SNX30: variants seen among roughly 807,000 people sequenced by gnomAD.
The protein encoded by SNX30 is sorting nexin family member 30, also known as sorting nexin-30.
Under a neutral mutation model 46.4 loss-of-function variants are expected in SNX30, and 24 were observed. The observed-to-expected ratio is 0.52, with a 90% CI of 0.37 to 0.73. The LOEUF (loss-of-function observed/expected upper bound fraction) is 0.73, where lower values mean the gene tolerates loss of function less well. SNX30 is among the 30% of genes least tolerant of loss of function. The pLI is 0.00. For missense variants in SNX30, 533 were observed against 555.7 expected, an observed-to-expected ratio of 0.96 and a Z score of 0.41; for synonymous variants, 189 against 211.5, an observed-to-expected ratio of 0.89 and a Z score of 0.92.
intron 1 of SNX30, among the ~76,000 whole-genome samples, chr9:112,764,510 T>G (rs929844583): frequency 6.6e-6 from 1 of 152,132 alleles, no homozygotes; most frequent in African/African-American, 2.4e-5. Flanking sequence ...CTGAGTAGCT[T>G]GGACTGTGGG....
intron 1 of SNX30, among the ~76,000 whole-genome samples, chr9:112,795,729 CAGAA>C (rs796337340): frequency 6.0e-5 from 9 of 150,006 alleles, no homozygotes; most frequent in African/African-American, 2.2e-4. Context: ...CCTGGGGAGA[CAGAA>C]AGATAATCAC....
In SNX30 at chr9:112,870,657, A is replaced by G. The variant is rs1368888601; in HGVS notation, c.*1814A>G. Reference sequence around the variant, plus strand: ...AACCCATGTACCCCCGAGTGATTGCATGCTTTATTCTACCTCTAAGCCATC... The same window carrying G: ...AACCCATGTACCCCCGAGTGATTGCGTGCTTTATTCTACCTCTAAGCCATC... On this transcript the variant is annotated 3_prime_UTR_variant, in exon 9 of 9. Transcript: ENST00000374232. 6.6e-6 allele frequency: 1 copy of G among 152,228 alleles called. No homozygotes were observed. The highest frequency in any genetic ancestry group is 6.5e-5 in the Admixed American group (1 of 15,276). 9.4% of individuals were successfully genotyped at this position (152,228 alleles called of 1,614,324 possible).
intron 1 of SNX30, among the ~76,000 whole-genome samples, chr9:112,762,441 C>G (rs1024576335): frequency 1.3e-5 from 2 of 152,154 alleles, no homozygotes; most frequent in East Asian, 1.9e-4. Flanking sequence ...ATCTCTCCCC[C>G]GAGAGGTTAA....
At chr9:112,766,542 T>C (rs1839540298) in intron 1 of SNX30, among the ~76,000 whole-genome samples, 1 of 152,242 alleles carries the variant, frequency 6.6e-6, no homozygotes, top group South Asian at 2.1e-4. Flanking sequence ...ATATTCACAT[T>C]GTTGTGCAAC....
At chr9:112,809,911 T>C (rs544124543) in intron 2 of SNX30, among the ~76,000 whole-genome samples, 1 of 152,054 alleles carries the variant, frequency 6.6e-6, no homozygotes, top group African/African-American at 2.4e-5. Context: ...TGAAAGAGAC[T>C]TGTTTAACTG....
At position 112,830,426 on chromosome 9, in the gene SNX30, C is replaced by T. The variant is rs1307118712; in HGVS notation, c.460-299C>T. Among the ~76,000 whole-genome samples the T allele has an allele frequency of 4.6e-5, 7 of 151,872 alleles. No homozygotes were observed. In the East Asian group the frequency reaches 1.2e-3, roughly 25 times the overall value. On this transcript the variant is annotated intron_variant, in intron 3 of 8. Transcript: ENST00000374232. ...TTTCTTCTTGCCATAACTTTTCCATCATATCACGTGTACATCAAGCAATGT... is the reference window on the plus strand; with the variant it reads ...TTTCTTCTTGCCATAACTTTTCCATTATATCACGTGTACATCAAGCAATGT...
chr9:112,771,699 G>A (rs1839651721), intron 1 of SNX30, among the ~76,000 whole-genome samples: 1 of 152,114 alleles, frequency 6.6e-6, no homozygotes, highest in Non-Finnish European at 1.5e-5. Flanking sequence ...CAAAAAAAGG[G>A]GCCAGTGAGG....
Position 112,872,001 on chromosome 9 carries a change from T to C in SNX30, c.*3158T>C, listed in dbSNP as rs1841453974. 1 of 152,200 alleles carries C rather than the reference T, an allele frequency of 6.6e-6. No individual in the cohort carries two copies. The highest frequency in any genetic ancestry group is 1.5e-5 in the Non-Finnish European group (1 of 68,030). 9.4% of individuals were successfully genotyped at this position (152,200 alleles called of 1,614,324 possible). Reference sequence around the variant, plus strand: ...ATTATGGAGATGATTGGCTCCATATTCCACCACGTCATTCCTTCAACTCAC... The same window carrying C: ...ATTATGGAGATGATTGGCTCCATATCCCACCACGTCATTCCTTCAACTCAC... On this transcript the variant is annotated 3_prime_UTR_variant, in exon 9 of 9. Transcript: ENST00000374232.
At chr9:112,771,570 C>T (rs908312076) in intron 1 of SNX30, among the ~76,000 whole-genome samples, 3 of 152,156 alleles carry the variant, frequency 2.0e-5, no homozygotes, top group African/African-American at 2.4e-5. Flanking sequence ...CTTCTCCCAG[C>T]CTTCAAGAGT....
At position 112,873,235 on chromosome 9, in the gene SNX30, G is replaced by A. The variant is rs1237932701; in HGVS notation, c.*4392G>A. ...ACTACTACAGAGAGTCTGTAAATAA[G>A]TGCTTTAAAAAAATAACAAACCAAT... On this transcript the variant is annotated 3_prime_UTR_variant, in exon 9 of 9. Transcript: ENST00000374232. 1 of 152,040 alleles carries A rather than the reference G, an allele frequency of 6.6e-6. No homozygotes were observed. The allele number at this position is 152,040 out of a possible 1,614,324, so 9.4% of individuals were successfully genotyped here.
chr9:112,865,034 C>T (rs999564373), intron 8 of SNX30, among the ~76,000 whole-genome samples: 31 of 150,940 alleles, frequency 2.1e-4, no homozygotes, highest in Admixed American at 8.6e-4. Context: ...CACCACACCC[C>T]ACACACACAC....
intron 5 of SNX30, among the ~76,000 whole-genome samples, chr9:112,838,159 G>A (rs924214236): frequency 1.3e-5 from 2 of 151,956 alleles, no homozygotes; most frequent in African/African-American, 4.8e-5. Flanking sequence ...TAAAGTGCTG[G>A]GATTACAGGT....
Position 112,834,831 on chromosome 9 carries a change from CACACACACACAA to C in SNX30, c.619-1371_619-1360del, listed in dbSNP as rs1193743419. On this transcript the variant is annotated intron_variant, in intron 4 of 8. Coordinates refer to ENST00000374232, the MANE Select transcript of SNX30 (RefSeq NM_001012994.2). ...TGAGCCAGGAACCGTGGATTAAACACACACACACACAAACACACACACACACACACACACACA... is the reference window on the plus strand; with the variant it reads ...TGAGCCAGGAACCGTGGATTAAACACACACACACACACACACACACACACA... 2.7e-4 allele frequency among the ~76,000 whole-genome samples: 34 copies of C among 123,808 alleles called. No homozygotes were observed. In the South Asian group the frequency reaches 5.0e-3, roughly 18 times the overall value. The allele number at this position is 123,808 out of a possible 152,430, so 81.2% of individuals were successfully genotyped here.
chr9:112,761,360 A>G (rs1839433251), intron 1 of SNX30, among the ~76,000 whole-genome samples: 1 of 152,030 alleles, frequency 6.6e-6, no homozygotes, highest in Non-Finnish European at 1.5e-5. Context: ...ATGGGGTTTC[A>G]CCATGTTGGC....
At chr9:112,868,059 G>A (rs937367805) in intron 8 of SNX30, among the ~76,000 whole-genome samples, 3 of 152,202 alleles carry the variant, frequency 2.0e-5, no homozygotes, top group African/African-American at 7.2e-5. Context: ...GGAACCATGA[G>A]CTCTACCATG....
downstream of SNX30, chr9:112,879,577 G>T: frequency 1.8e-6 from 1 of 556,040 alleles, no homozygotes; most frequent in Non-Finnish European, 3.3e-6. Context: ...CCATCACCAG[G>T]AAAGTGCTTT....
intron 6 of SNX30, among the ~76,000 whole-genome samples, chr9:112,845,271 TA>T (rs1471441213): frequency 1.3e-5 from 2 of 152,038 alleles, no homozygotes; most frequent in Non-Finnish European, 2.9e-5. Flanking sequence ...GATTGAGAGT[TA>T]ATAAGTACTT....
chr9:112,863,488 G>C (rs1313161853), intron 7 of SNX30, among the ~76,000 whole-genome samples: 4 of 152,234 alleles, frequency 2.6e-5, no homozygotes, highest in Non-Finnish European at 5.9e-5. Flanking sequence ...AGTGAAAGTT[G>C]TGAAACTTCA....
intron 1 of SNX30, among the ~76,000 whole-genome samples, chr9:112,775,540 ATTTGTGTG>A (rs1839730920): frequency 1.7e-5 from 1 of 60,512 alleles, no homozygotes; most frequent in Non-Finnish European, 3.1e-5. Flanking sequence ...TTTATTTTAA[ATTTGTGTG>A]TGTGTGTGTG....
Sources: allele counts gnomAD v4.1 joint callset (sites outside exome capture counted in the v4.1 genomes callset), GRCh38; gene constraint gnomAD v4.1.1; transcripts MANE v1.5; gene names NCBI Gene and HGNC (gene_info 2026-07-23, HGNC 2026-07-21).